TTC28: variants seen among roughly 807,000 people sequenced by gnomAD.
TTC28 encodes the protein tetratricopeptide repeat protein 28.
In TTC28, 61 loss-of-function variants were observed where a neutral mutation model predicts 198.0. That is an observed-to-expected ratio of 0.31 (90% CI 0.25 to 0.38). TTC28 has a LOEUF of 0.38. Among genes scored for constraint, TTC28 ranks in the 10% least tolerant of loss-of-function variants. TTC28 has a pLI of 1.00. For synonymous variants in TTC28, 1,171 were observed against 1,297.8 expected, an observed-to-expected ratio of 0.90 and a Z score of 2.10; for missense variants, 2,678 against 3,164.0, an observed-to-expected ratio of 0.85 and a Z score of 3.69.
At chr22:28,294,794 C>T (rs2044860017) in intron 5 of TTC28, among the ~76,000 whole-genome samples, 1 of 152,126 alleles carries the variant, frequency 6.6e-6, no homozygotes. Context: ...GTCTTCAACT[C>T]CTGACCTCAT....
At chr22:28,445,383 AT>A (rs1206548302) in intron 2 of TTC28, among the ~76,000 whole-genome samples, 1 of 152,204 alleles carries the variant, frequency 6.6e-6, no homozygotes, top group Non-Finnish European at 1.5e-5. Flanking sequence ...GTGGTCAATA[AT>A]TTCAGGTTCT....
At chr22:28,677,308 T>C (rs188971981) in intron 1 of TTC28, among the ~76,000 whole-genome samples, 10,433 of 151,794 alleles carry the variant, frequency 0.069, 520 homozygotes, top group Non-Finnish European at 0.095. Context: ...AACAATTCTA[T>C]TTTAGCTTTG....
At chr22:28,207,169 G>A (rs1926479280) in intron 5 of TTC28, among the ~76,000 whole-genome samples, 1 of 148,430 alleles carries the variant, frequency 6.7e-6, no homozygotes, top group South Asian at 2.1e-4. Context: ...TAACTGACAA[G>A]CCACTAAGCC....
intron 5 of TTC28, among the ~76,000 whole-genome samples, chr22:28,247,151 G>A (rs1930164856): frequency 6.6e-6 from 1 of 152,080 alleles, no homozygotes; most frequent in Non-Finnish European, 1.5e-5. Flanking sequence ...GCGGCTGCTG[G>A]GTGCCTGCTA....
chr22:28,141,777 A>T (rs1907191546), intron 6 of TTC28, among the ~76,000 whole-genome samples: 2 of 152,186 alleles, frequency 1.3e-5, no homozygotes, highest in African/African-American at 4.8e-5. Context: ...TATTTTTGCC[A>T]TATAAAGGAC....
At chr22:28,546,046 G>C (rs191933539) in intron 2 of TTC28, among the ~76,000 whole-genome samples, 1 of 152,230 alleles carries the variant, frequency 6.6e-6, no homozygotes, top group African/African-American at 2.4e-5. Context: ...AAAGAACAAA[G>C]CTAGAAGACT....
chr22:28,385,304 C>T (rs2046561939), intron 2 of TTC28, among the ~76,000 whole-genome samples: 1 of 150,152 alleles, frequency 6.7e-6, no homozygotes, highest in African/African-American at 2.4e-5. Flanking sequence ...GCAATCTTGG[C>T]TCACTGTAAC....
chr22:28,517,947 G>T (rs562530091), intron 2 of TTC28, among the ~76,000 whole-genome samples: 2 of 151,412 alleles, frequency 1.3e-5, no homozygotes, highest in Admixed American at 6.6e-5. Flanking sequence ...TTTATTTATT[G>T]TATTTTTTTT....
chr22:28,639,108 A>C (rs2051320975), intron 1 of TTC28, among the ~76,000 whole-genome samples: 1 of 152,264 alleles, frequency 6.6e-6, no homozygotes. Flanking sequence ...AACATATATT[A>C]ATACAAGGAT....
chr22:28,071,487 A>C (rs1350522681), intron 12 of TTC28, among the ~76,000 whole-genome samples: 2 of 149,734 alleles, frequency 1.3e-5, no homozygotes, highest in Admixed American at 1.3e-4. Flanking sequence ...CAAGAACAAA[A>C]AACCAAACAC....
chr22:28,335,798 A>T, intron 2 of TTC28, among the ~76,000 whole-genome samples: 1 of 152,184 alleles, frequency 6.6e-6, no homozygotes, highest in East Asian at 1.9e-4. Context: ...GGACAATTTG[A>T]CTTCCTCTTT....
At chr22:28,168,272 A>C (rs1376378502) in intron 5 of TTC28, among the ~76,000 whole-genome samples, 1 of 152,228 alleles carries the variant, frequency 6.6e-6, no homozygotes, top group Non-Finnish European at 1.5e-5. Flanking sequence ...ATTCAAGGCC[A>C]TCCCCATCAA....
rs1266511217 is a variant in TTC28, at chr22:28,197,184, C to A, written c.934-33585G>T. On this transcript the variant is annotated intron_variant, in intron 5 of 22. Transcript: ENST00000397906. ...ACTATCGCAAGGACAAAAAACCAAA[C>A]ACCGCATGTTCTCACTCATAGGTGG... 2.0e-5 allele frequency among the ~76,000 whole-genome samples: 3 copies of A among 148,486 alleles called. 1 individual carries two copies. Among genetic ancestry groups the A allele is most frequent in the Non-Finnish European group, 4.4e-5 (3 of 67,702 alleles).
chr22:28,283,761 G>C (rs527609942), intron 5 of TTC28, among the ~76,000 whole-genome samples: 1 of 152,258 alleles, frequency 6.6e-6, no homozygotes, highest in South Asian at 2.1e-4. Context: ...ATGTTGCTCA[G>C]ACAGACCTTG....
At chr22:28,455,925 T>C (rs939745644) in intron 2 of TTC28, among the ~76,000 whole-genome samples, 1 of 151,914 alleles carries the variant, frequency 6.6e-6, no homozygotes, top group African/African-American at 2.4e-5. Flanking sequence ...TTTGGGAGGC[T>C]GAGGTGGGGG....
At chr22:28,479,294 T>C (rs1415572872) in intron 2 of TTC28, among the ~76,000 whole-genome samples, 2 of 152,204 alleles carry the variant, frequency 1.3e-5, no homozygotes, top group African/African-American at 4.8e-5. Context: ...CCACTTTGGA[T>C]TGTTAACTAT....
intron 5 of TTC28, among the ~76,000 whole-genome samples, chr22:28,256,438 A>T (rs986290137): frequency 1.8e-4 from 27 of 151,800 alleles, no homozygotes; most frequent in Non-Finnish European, 3.4e-4. Context: ...AAAAAAAAAA[A>T]ATACGAGAGA....
chr22:28,089,180 C>G (rs897147477), intron 12 of TTC28, among the ~76,000 whole-genome samples: 3 of 152,204 alleles, frequency 2.0e-5, no homozygotes, highest in African/African-American at 7.2e-5. Context: ...ACCCAAAGGA[C>G]TATAAATCAT....
In TTC28 at chr22:27,991,018, G is replaced by A. The variant is rs578024601; in HGVS notation, c.5554-206C>T. ...AGCCACACCCAGGCCAGCCGCGTGC[G>A]GATCCAGGGGCTCAGGGGCAGCATC... On this transcript the variant is annotated intron_variant, in intron 19 of 22. Transcript: ENST00000397906. Among the ~76,000 whole-genome samples, 16 of 152,278 alleles carry A rather than the reference G, an allele frequency of 1.1e-4. 1 individual carries two copies. Among genetic ancestry groups the A allele is most frequent in the Non-Finnish European group, 7.3e-5 (5 of 68,034 alleles).
Sources: gnomAD v4.1 joint callset for allele counts (sites outside exome capture counted in the v4.1 genomes callset) on GRCh38, gnomAD v4.1.1 for gene constraint, MANE v1.5 for transcripts, NCBI Gene and HGNC (gene_info 2026-07-23, HGNC 2026-07-21) for gene names.